Variants in ZDHHC15 observed in about 807,000 individuals in gnomAD.
The protein encoded by ZDHHC15 is zDHHC palmitoyltransferase 15.
Under a neutral mutation model 31.7 loss-of-function variants are expected in ZDHHC15, and 19 were observed. The observed-to-expected ratio is 0.60, with a 90% CI of 0.42 to 0.88. The LOEUF (loss-of-function observed/expected upper bound fraction) is 0.88, where lower values mean the gene tolerates loss of function less well. Ranked by LOEUF, ZDHHC15 falls within the 40% of genes least tolerant of loss-of-function variation. ZDHHC15 has a pLI of 0.00. For missense variants in ZDHHC15, 209 were observed against 251.2 expected, an observed-to-expected ratio of 0.83 and a Z score of 1.14; for synonymous variants, 103 against 90.0, an observed-to-expected ratio of 1.14 and a Z score of -0.82.
intron 2 of ZDHHC15, among the ~76,000 whole-genome samples, chrX:75,502,901 C>G (rs2148042008): frequency 9.1e-6 from 1 of 110,398 alleles, no homozygotes; most frequent in Admixed American, 9.8e-5. Context: ...TATGAACTCA[C>G]ATATTTAAAA....
At chrX:75,428,985 T>C in intron 7 of ZDHHC15, 93 bp downstream of exon 7, 1 of 1,120,650 alleles carries the variant, frequency 8.9e-7, no homozygotes, top group Non-Finnish European at 1.2e-6. Flanking sequence ...ATTAGCTATT[T>C]AAAAATGTAA....
chrX:75,513,829 A>G (rs769638410), intron 1 of ZDHHC15, among the ~76,000 whole-genome samples: 22 of 110,889 alleles, frequency 2.0e-4, no homozygotes, highest in African/African-American at 6.8e-4. Context: ...CAAATTGCCA[A>G]AAAACAAAAA....
chrX:75,502,607 G>A (rs771750933), intron 2 of ZDHHC15, among the ~76,000 whole-genome samples: 15 of 111,250 alleles, frequency 1.3e-4, no homozygotes, highest in East Asian at 8.5e-4. Context: ...TGTGGGCAAC[G>A]CATTATTTTA....
At position 75,419,570 on chromosome X, in the gene ZDHHC15, A is replaced by G. The variant is rs1264612621; in HGVS notation, c.863+2294T>C. The stretch of plus-strand genomic sequence containing the variant: ...TCCTCAGGGATCTAGAACTAGAAAT[A>G]CCATTTGACCCAGCCATCCCATTAC... On this transcript the variant is annotated intron_variant, in intron 9 of 11. Coordinates refer to ENST00000373367, the MANE Select transcript of ZDHHC15 (RefSeq NM_144969.3). Among the ~76,000 whole-genome samples the G allele has an allele frequency of 8.1e-5, 9 of 110,917 alleles. No individual in the cohort carries two copies. In the South Asian group the frequency reaches 3.5e-3, roughly 43 times the overall value.
intron 4 of ZDHHC15, among the ~76,000 whole-genome samples, chrX:75,448,452 G>T (rs367856257): frequency 2.7e-5 from 3 of 112,212 alleles, no homozygotes; most frequent in Non-Finnish European, 5.6e-5. Flanking sequence ...AGTTGTGTGT[G>T]TGTATTTCAA....
chrX:75,460,918 C>T (rs1422153944), intron 3 of ZDHHC15, among the ~76,000 whole-genome samples: 1 of 111,919 alleles, frequency 8.9e-6, no homozygotes, highest in Non-Finnish European at 1.9e-5. Flanking sequence ...AGCAAGGGCA[C>T]AGAACTGGGC....
intron 2 of ZDHHC15, among the ~76,000 whole-genome samples, chrX:75,482,362 G>A (rs2084704277): frequency 8.9e-6 from 1 of 112,061 alleles, no homozygotes; most frequent in African/African-American, 3.2e-5. Flanking sequence ...TGCATCCAAT[G>A]TTTAGCTGGC....
chrX:75,368,862 T>C lies in ZDHHC15; in HGVS notation c.*4116A>G, dbSNP rs2082980913. On this transcript the variant is annotated 3_prime_UTR_variant, in exon 12 of 12. Coordinates refer to ENST00000373367, the MANE Select transcript of ZDHHC15 (RefSeq NM_144969.3). ...GAACACATTTAATGGTTTTGAACAC[T>C]GTGCAGGACACAGACCTAACCCTTT... 8.9e-6 allele frequency: 1 copy of C among 112,055 alleles called. No individual in the cohort carries two copies. The highest frequency in any genetic ancestry group is 3.3e-5 in the African/African-American group (1 of 30,761). The allele number at this position is 112,055 out of a possible 1,213,427, so 9.2% of individuals were successfully genotyped here.
intron 10 of ZDHHC15, among the ~76,000 whole-genome samples, chrX:75,382,634 G>C (rs181206412): frequency 8.9e-6 from 1 of 111,834 alleles, no homozygotes; most frequent in African/African-American, 3.3e-5. Flanking sequence ...GAGAATACAC[G>C]AAGAAAGAAA....
At chrX:75,467,855 A>C (rs2084432254) in intron 3 of ZDHHC15, among the ~76,000 whole-genome samples, 1 of 111,200 alleles carries the variant, frequency 9.0e-6, no homozygotes, top group African/African-American at 3.3e-5. Context: ...TAGTTCCAGA[A>C]GAGTTTCATC....
chrX:75,405,651 T>C (rs2083403645), intron 10 of ZDHHC15, among the ~76,000 whole-genome samples: 1 of 111,156 alleles, frequency 9.0e-6, no homozygotes. Context: ...AACACAGGAG[T>C]ACTGAAGTAT....
At chrX:75,478,040 G>A (rs963562588) in intron 3 of ZDHHC15, among the ~76,000 whole-genome samples, 1 of 111,389 alleles carries the variant, frequency 9.0e-6, no homozygotes, top group African/African-American at 3.3e-5. Context: ...AGGCTGGAAA[G>A]TTTCCCTATT....
chrX:75,375,258 G>T (rs1282887761), intron 11 of ZDHHC15, among the ~76,000 whole-genome samples: 1 of 111,561 alleles, frequency 9.0e-6, no homozygotes, highest in Non-Finnish European at 1.9e-5. Context: ...GTAAAAATTG[G>T]CTGACTTAAT....
intron 10 of ZDHHC15, among the ~76,000 whole-genome samples, chrX:75,386,865 C>T (rs780933248): frequency 9.0e-6 from 1 of 111,482 alleles, no homozygotes; most frequent in Non-Finnish European, 1.9e-5. Flanking sequence ...TTATCATGTA[C>T]CCCGGGGCTT....
chrX:75,453,625 T>A (rs896378705), intron 3 of ZDHHC15, among the ~76,000 whole-genome samples: 6 of 111,122 alleles, frequency 5.4e-5, no homozygotes, highest in Non-Finnish European at 9.4e-5. Context: ...TGAATATCGA[T>A]GTGAAAATCC....
intron 2 of ZDHHC15, among the ~76,000 whole-genome samples, chrX:75,497,354 C>G (rs1427479989): frequency 9.0e-6 from 1 of 111,263 alleles, no homozygotes; most frequent in Admixed American, 9.6e-5. Flanking sequence ...AAAATGCTAA[C>G]AAAAAGAAAT....
chrX:75,388,641 C>G (rs1353418899), intron 10 of ZDHHC15, among the ~76,000 whole-genome samples: 1 of 111,174 alleles, frequency 9.0e-6, no homozygotes, highest in African/African-American at 3.3e-5. Context: ...AATAACACAG[C>G]TACAAAGGAA....
chrX:75,402,119 A>G (rs1051914690), intron 10 of ZDHHC15, among the ~76,000 whole-genome samples: 2 of 112,567 alleles, frequency 1.8e-5, no homozygotes, highest in Non-Finnish European at 3.8e-5. Flanking sequence ...TAGAAATTAA[A>G]CAACATGCTC....
intron 4 of ZDHHC15, among the ~76,000 whole-genome samples, chrX:75,432,990 TAA>T (rs371713459): frequency 1.9e-5 from 2 of 103,274 alleles, no homozygotes; most frequent in East Asian, 6.1e-4. Context: ...TTTCTAAAAA[TAA>T]AAAAAAAAAT....
Sources: gnomAD v4.1 joint callset for allele counts (sites outside exome capture counted in the v4.1 genomes callset) on GRCh38, gnomAD v4.1.1 for gene constraint, MANE v1.5 for transcripts, NCBI Gene and HGNC (gene_info 2026-07-23, HGNC 2026-07-21) for gene names.